ST6GAL1: variants seen among roughly 807,000 people sequenced by gnomAD.
ST6GAL1 encodes the protein beta-galactoside alpha-2,6-sialyltransferase 1.
A neutral mutation model predicts 38.0 loss-of-function variants in ST6GAL1; 20 were observed. That is an observed-to-expected ratio of 0.53 (90% CI 0.37 to 0.77). The LOEUF is 0.77. Among genes scored for constraint, ST6GAL1 ranks in the 30% least tolerant of loss-of-function variants. The pLI is 0.00. For missense variants in ST6GAL1, 432 were observed against 496.4 expected (o/e 0.87, Z 1.23); for synonymous variants, 196 against 188.2 (o/e 1.04, Z -0.34).
chr3:186,982,073 T>C (rs1715714460), intron 2 of ST6GAL1, among the ~76,000 whole-genome samples: 1 of 152,252 alleles, frequency 6.6e-6, no homozygotes, highest in African/African-American at 2.4e-5. Flanking sequence ...AAAATTCAAC[T>C]AGATTTCCCT....
chr3:186,934,211 G>C (rs1183618586), intron 1 of ST6GAL1, among the ~76,000 whole-genome samples: 1 of 152,102 alleles, frequency 6.6e-6, no homozygotes, highest in Non-Finnish European at 1.5e-5. Flanking sequence ...AGGGGTTTGG[G>C]GTCATCTTCC....
chr3:186,946,523 G>A (rs1014497140), intron 1 of ST6GAL1, among the ~76,000 whole-genome samples: 5 of 152,056 alleles, frequency 3.3e-5, no homozygotes, highest in African/African-American at 1.2e-4. Context: ...GGGATTACAG[G>A]TCTGAGCCAC....
chr3:187,016,936 CTCTT>C (rs1018077678), intron 2 of ST6GAL1, among the ~76,000 whole-genome samples: 5 of 152,236 alleles, frequency 3.3e-5, no homozygotes, highest in African/African-American at 1.2e-4. Flanking sequence ...GGGTGATTAG[CTCTT>C]TCTCCAGCAG....
chr3:186,973,184 C>T (rs557675831), intron 2 of ST6GAL1, among the ~76,000 whole-genome samples: 8 of 152,210 alleles, frequency 5.3e-5, no homozygotes, highest in Admixed American at 2.6e-4. Flanking sequence ...TGCAGGCGCC[C>T]GCCATCATGC....
At chr3:186,965,060 T>C (rs1158351218) in intron 2 of ST6GAL1, among the ~76,000 whole-genome samples, 1 of 152,168 alleles carries the variant, frequency 6.6e-6, no homozygotes, top group Non-Finnish European at 1.5e-5. Flanking sequence ...CTGGGCAACC[T>C]TTGGTTTAGT....
intron 1 of ST6GAL1, among the ~76,000 whole-genome samples, chr3:186,957,703 A>G (rs139855591): frequency 1.3e-5 from 2 of 152,282 alleles, no homozygotes; most frequent in African/African-American, 4.8e-5. Flanking sequence ...AACCAAATGG[A>G]TTATATATAA....
intron 2 of ST6GAL1, among the ~76,000 whole-genome samples, chr3:187,016,484 G>C (rs972205088): frequency 2.6e-5 from 4 of 152,300 alleles, no homozygotes; most frequent in Non-Finnish European, 5.9e-5. Context: ...TTCCTCCAGG[G>C]ACATGGGCTG....
At chr3:187,000,043 T>C (rs1272927904) in intron 2 of ST6GAL1, among the ~76,000 whole-genome samples, 1 of 151,304 alleles carries the variant, frequency 6.6e-6, no homozygotes, top group Admixed American at 6.6e-5. Flanking sequence ...GCCAGACGGA[T>C]CTTGAACCTC....
chr3:187,018,315 G>A (rs1371457060), intron 2 of ST6GAL1, among the ~76,000 whole-genome samples: 1 of 152,168 alleles, frequency 6.6e-6, no homozygotes, highest in East Asian at 1.9e-4. Context: ...TAGCCAACCA[G>A]TAGAACCTGA....
chr3:186,994,339 T>G (rs2108547901), intron 2 of ST6GAL1, among the ~76,000 whole-genome samples: 1 of 152,304 alleles, frequency 6.6e-6, no homozygotes, highest in Admixed American at 6.5e-5. Context: ...TGTTTGTCTT[T>G]TTAGTGTAAC....
intron 1 of ST6GAL1, among the ~76,000 whole-genome samples, chr3:186,932,584 C>T (rs949993780): frequency 1.3e-5 from 2 of 152,216 alleles, no homozygotes; most frequent in African/African-American, 4.8e-5. Context: ...TGGAATAAGG[C>T]CAGCTACGGA....
chr3:186,977,810 A>G (rs1715569093), intron 2 of ST6GAL1, among the ~76,000 whole-genome samples: 1 of 152,272 alleles, frequency 6.6e-6, no homozygotes. Flanking sequence ...TAATATTTAG[A>G]GAGCCATTAT....
intron 2 of ST6GAL1, among the ~76,000 whole-genome samples, chr3:187,002,494 C>T (rs748074489): frequency 2.6e-5 from 4 of 152,214 alleles, no homozygotes; most frequent in Non-Finnish European, 4.4e-5. Flanking sequence ...TGGAAAATGC[C>T]AAGGACTTCT....
chr3:186,965,316 G>A (rs1715068887), intron 2 of ST6GAL1, among the ~76,000 whole-genome samples: 1 of 152,126 alleles, frequency 6.6e-6, no homozygotes, highest in Admixed American at 6.5e-5. Flanking sequence ...TGCGGGTGTG[G>A]GGGACTTCCT....
intron 2 of ST6GAL1, among the ~76,000 whole-genome samples, chr3:186,967,852 C>T (rs1715200951): frequency 6.6e-6 from 1 of 152,222 alleles, no homozygotes; most frequent in South Asian, 2.1e-4. Context: ...GTCCTTGACA[C>T]AAAACCACCG....
intron 2 of ST6GAL1, among the ~76,000 whole-genome samples, chr3:186,973,999 C>T (rs1346276199): frequency 6.6e-6 from 1 of 152,110 alleles, no homozygotes; most frequent in Admixed American, 6.6e-5. Flanking sequence ...AATGTGAAAC[C>T]GTGAATTGTG....
In ST6GAL1 at chr3:187,064,711, TGTG is replaced by T. The variant is rs1719037999; in HGVS notation, c.706-8132_706-8130del. On this transcript the variant is annotated intron_variant, in intron 5 of 7. Transcript: ENST00000169298. The stretch of plus-strand genomic sequence containing the variant: ...GTCCTGGCCGCTCCATGACAGCACT[TGTG>T]GTGGTACTGAACTGTGATGGACACT... 3 of 444,270 alleles carry T rather than the reference TGTG, an allele frequency of 6.8e-6. No homozygotes were observed. In the East Asian group the frequency reaches 2.1e-4, roughly 31 times the overall value. The allele number at this position is 444,270 out of a possible 1,614,324, so 27.5% of individuals were successfully genotyped here. A position where few individuals can be genotyped will look rare whatever the true frequency, so the allele number is the denominator to read the frequency against.
At chr3:186,990,329 T>C (rs78383444) in intron 2 of ST6GAL1, among the ~76,000 whole-genome samples, 2,238 of 152,300 alleles carry the variant, frequency 0.015, 61 homozygotes, top group African/African-American at 0.051. Context: ...CCACCAAGCT[T>C]GGCCTAAAGC....
chr3:186,950,323 C>G (rs1011472100), intron 1 of ST6GAL1, among the ~76,000 whole-genome samples: 6 of 152,152 alleles, frequency 3.9e-5, no homozygotes, highest in African/African-American at 1.4e-4. Context: ...TGATCCTACT[C>G]AGTTTGGGTC....
Sources: allele counts gnomAD v4.1 joint callset (sites outside exome capture counted in the v4.1 genomes callset), GRCh38; gene constraint gnomAD v4.1.1; transcripts MANE v1.5; gene names NCBI Gene and HGNC (gene_info 2026-07-23, HGNC 2026-07-21).